ODAD3: variants seen among roughly 807,000 people sequenced by gnomAD.
ODAD3 encodes the protein outer dynein arm docking complex subunit 3.
ODAD3 carries 57 observed loss-of-function variants against 70.9 expected under a neutral mutation model. The ratio of observed to expected loss-of-function variants is 0.80; its 90% CI spans 0.65 to 1.00. ODAD3 has a LOEUF of 1.00. Among genes scored for constraint, ODAD3 ranks in the 50% least tolerant of loss-of-function variants. The pLI, the probability that ODAD3 is intolerant of heterozygous loss-of-function variation, is 0.00. For synonymous variants in ODAD3, 327 were observed against 315.9 expected (o/e 1.04, Z -0.37); for missense variants, 797 against 763.9 (o/e 1.04, Z -0.51).
upstream of ODAD3, chr19:11,435,611 A>G (rs1266857538): frequency 5.5e-6 from 6 of 1,095,862 alleles, no homozygotes; most frequent in Middle Eastern, 2.9e-4. Flanking sequence ...ACCGGAAGTG[A>G]CGGGGTCCAG....
intron 10 of ODAD3, 138 bp from the exon 11 acceptor site, chr19:11,421,970 G>A: frequency 1.1e-6 from 1 of 923,198 alleles, no homozygotes. Flanking sequence ...AGCCATTGGG[G>A]GCGGGGACTT....
At chr19:11,427,473 GTTTTC>G (rs1296124543) in intron 3 of ODAD3, among the ~76,000 whole-genome samples, 5 of 107,324 alleles carry the variant, frequency 4.7e-5, no homozygotes, top group Admixed American at 1.2e-4. Flanking sequence ...TTTTGTTTTT[GTTTTC>G]TTTTCTTTTT....
chr19:11,431,334 C>T lies in ODAD3; in HGVS notation c.245-314G>A, dbSNP rs138430232. On this transcript the variant is annotated intron_variant, in intron 1 of 12. Transcript: ENST00000356392. ...CCATGTTGGTCAGGCTGGTCTCGAA[C>T]TCCTGACCTCAGGTGTTCCCAAAGT... 2.0e-3 allele frequency: 606 copies of T among 299,934 alleles called. 3 individuals are homozygous for T. Among genetic ancestry groups the T allele is most frequent in the African/African-American group, 0.013 (573 of 45,348 alleles). 18.6% of individuals were successfully genotyped at this position (299,934 alleles called of 1,614,324 possible).
intron 8 of ODAD3, among the ~76,000 whole-genome samples, chr19:11,423,293 A>G (rs1969185422): frequency 2.0e-5 from 3 of 152,204 alleles, no homozygotes; most frequent in Non-Finnish European, 4.4e-5. Flanking sequence ...GTACTCCTAT[A>G]GGTGGGAGTC....
In ODAD3 at chr19:11,425,160, CAT is replaced by C. The variant is rs1198851344; in HGVS notation, c.963+982_963+983del. Among the ~76,000 whole-genome samples the C allele has an allele frequency of 7.5e-3, 768 of 102,904 alleles. 51 individuals are homozygous for C. Among genetic ancestry groups the C allele is most frequent in the Middle Eastern group, 0.014 (1 of 72 alleles). The allele number at this position is 102,904 out of a possible 152,430, so 67.5% of individuals were successfully genotyped here. A position where few individuals can be genotyped will look rare whatever the true frequency, so the allele number is the denominator to read the frequency against. On this transcript the variant is annotated intron_variant, in intron 7 of 12. Transcript: ENST00000356392. Reference sequence around the variant, plus strand: ...GTGTATATGTACATATGTATATATACATATGTGTATATGTACATATGTGTATA... The same window carrying C: ...GTGTATATGTACATATGTATATATACATGTGTATATGTACATATGTGTATA...
intron 3 of ODAD3, among the ~76,000 whole-genome samples, chr19:11,430,319 G>A (rs1388932446): frequency 1.3e-5 from 2 of 151,990 alleles, no homozygotes; most frequent in African/African-American, 4.8e-5. Context: ...TGTATTTTTA[G>A]TAGAGACAGG....
chr19:11,421,111 C>A lies in ODAD3; in HGVS notation c.1675+17G>T. 1 of 1,612,764 alleles carries A rather than the reference C, an allele frequency of 6.2e-7. No individual in the cohort carries two copies. Among genetic ancestry groups the A allele is most frequent in the Middle Eastern group, 1.7e-4 (1 of 6,058 alleles). On this transcript the variant is annotated intron_variant, in intron 12 of 12. Coordinates refer to ENST00000356392, the MANE Select transcript of ODAD3 (RefSeq NM_145045.5). Reference sequence around the variant, plus strand: ...GGGGCCCCAACCGCACCCCTTCATCCCCCCACCCATACTGACCAAAAAACT... The same window carrying A: ...GGGGCCCCAACCGCACCCCTTCATCACCCCACCCATACTGACCAAAAAACT...
rs1366138475 is a variant in ODAD3 at position 11,426,790 on chromosome 19, G to C, written c.613-6C>G. On this transcript the variant is annotated splice_region_variant and splice_polypyrimidine_tract_variant and intron_variant, in intron 4 of 12. Transcript: ENST00000356392. The stretch of plus-strand genomic sequence containing the variant: ...TTCTCCAGGTTCCGCATGGTCTGGA[G>C]AGCAGCAGGGCTGGGCTGAGGGCCC... 2 of 1,613,858 alleles carry C rather than the reference G, an allele frequency of 1.2e-6. No individual in the cohort carries two copies. Among genetic ancestry groups the C allele is most frequent in the Non-Finnish European group, 1.7e-6 (2 of 1,179,898 alleles).
rs1397328381 is a variant in ODAD3 at position 11,425,225 on chromosome 19, GTGTATATGTACATATGTGTATATA to G, written c.963+895_963+918del. On this transcript the variant is annotated intron_variant, in intron 7 of 12. Transcript: ENST00000356392. ...TATGTGTACATATGTGTATATATGT[GTGTATATGTACATATGTGTATATA>G]TGTATATGTACATATGTGTATATGT... 2.1e-4 allele frequency among the ~76,000 whole-genome samples: 27 copies of G among 130,876 alleles called. 4 individuals carry two copies. The East Asian group carries it at 3.5e-3, about 17-fold the overall frequency. The allele number at this position is 130,876 out of a possible 152,430, so 85.9% of individuals were successfully genotyped here. A position where few individuals can be genotyped will look rare whatever the true frequency, so the allele number is the denominator to read the frequency against.
Position 11,426,862 on chromosome 19 carries a change from C to G in ODAD3, c.612+11G>C. 6.2e-7 allele frequency: 1 copy of G among 1,610,280 alleles called. No homozygotes were observed. The highest frequency in any genetic ancestry group is 8.5e-7 in the Non-Finnish European group (1 of 1,177,738). ...ACGACCCTCTGCCCTGCAGGCCTCA[C>G]CCGCCCCTACCTTGGCCACCTCCGT... On this transcript the variant is annotated intron_variant, in intron 4 of 12. Coordinates refer to ENST00000356392, the MANE Select transcript of ODAD3 (RefSeq NM_145045.5).
At chr19:11,430,443 GT>G (rs112619729) in intron 3 of ODAD3, 5,749 of 437,322 alleles carry the variant, frequency 0.013, no homozygotes, top group Middle Eastern at 0.018. Flanking sequence ...TGGCTGTGAT[GT>G]TTTTTTTTTT....
intron 11 of ODAD3, 134 bp downstream of exon 11, chr19:11,421,543 C>G: frequency 8.2e-7 from 1 of 1,224,488 alleles, no homozygotes; most frequent in Admixed American, 2.3e-5. Context: ...TCAAACCTCG[C>G]CCGTTGTCCC....
chr19:11,422,904 C>A lies in ODAD3; in HGVS notation c.1117-43G>T. The A allele has an allele frequency of 1.3e-6, 2 of 1,579,556 alleles. No homozygotes were observed. The highest frequency in any genetic ancestry group is 1.7e-5 in the Admixed American group (1 of 57,854). ...CCAGTCAGAGCCAGGGCCTAGGGAG[C>A]GTAGGGGCGCTCCACCTCCTCTCCC... On this transcript the variant is annotated intron_variant, in intron 8 of 12. Transcript: ENST00000356392. This position sits in a 1 kb window ranked among gnomAD's most constrained non-coding sequence, Gnocchi z 4.6.
Position 11,430,688 on chromosome 19 carries a change from G to C in ODAD3, c.444+11C>G. 3 of 1,613,904 alleles carry C rather than the reference G, an allele frequency of 1.9e-6. No individual in the cohort carries two copies. The highest frequency in any genetic ancestry group is 2.5e-6 in the Non-Finnish European group (3 of 1,179,922). ...GAAATGAAGGAGGAGGTGGGGCGAG[G>C]GTGGGCAAACCTGTCCTGTCCTGTT... On this transcript the variant is annotated intron_variant, in intron 3 of 12. Transcript: ENST00000356392.
At chr19:11,425,557 ATATATGTG>A (rs1227150842) in intron 7 of ODAD3, among the ~76,000 whole-genome samples, 1 of 136,618 alleles carries the variant, frequency 7.3e-6, no homozygotes, top group African/African-American at 3.0e-5. Flanking sequence ...GTATATATGT[ATATATGTG>A]TGTATGTATG....
At position 11,425,219 on chromosome 19, in the gene ODAD3, A is replaced by G. The variant is rs993258173; in HGVS notation, c.963+925T>C. 6.0e-5 allele frequency among the ~76,000 whole-genome samples: 8 copies of G among 133,318 alleles called. 1 individual carries two copies. In the South Asian group the frequency reaches 9.1e-4, roughly 15 times the overall value. The allele number at this position is 133,318 out of a possible 152,430, so 87.5% of individuals were successfully genotyped here. A position where few individuals can be genotyped will look rare whatever the true frequency, so the allele number is the denominator to read the frequency against. On this transcript the variant is annotated intron_variant, in intron 7 of 12. Coordinates refer to ENST00000356392, the MANE Select transcript of ODAD3 (RefSeq NM_145045.5). ...TATGTGTATGTGTACATATGTGTAT[A>G]TATGTGTGTATATGTACATATGTGT...
At chr19:11,425,188 T>A (rs1181317825) in intron 7 of ODAD3, among the ~76,000 whole-genome samples, 1 of 135,694 alleles carries the variant, frequency 7.4e-6, no homozygotes, top group Non-Finnish European at 1.5e-5. Context: ...TATGTGTATA[T>A]ATACATATGT....
chr19:11,422,926 T>TC lies in ODAD3; in HGVS notation c.1117-66dup. 1.9e-6 allele frequency: 3 copies of TC among 1,540,476 alleles called. No homozygotes were observed. On this transcript the variant is annotated intron_variant, in intron 8 of 12. Coordinates refer to ENST00000356392, the MANE Select transcript of ODAD3 (RefSeq NM_145045.5). The surrounding 1 kb of genome is among the most constrained non-coding windows in gnomAD (Gnocchi z 4.6). ...GAGCGTAGGGGCGCTCCACCTCCTC[T>TC]CCCCCACCCTGCGAACCCTCGCACG... is the stretch of plus-strand genomic sequence containing the variant.
chr19:11,422,859 C>G lies in ODAD3; in HGVS notation c.1119G>C (p.Ser373=). The change falls in exon 9 of 13, where the codon TCG becomes TCC. Residue 373 remains serine, a splice_region_variant and synonymous_variant. Coordinates refer to ENST00000356392, the MANE Select transcript of ODAD3 (RefSeq NM_145045.5). This position sits in a 1 kb window ranked among gnomAD's most constrained non-coding sequence, Gnocchi z 4.6. ...KDATGTDETH[S]LVRRFLAQGD... ...CCTGGGCCAGGAACCGCCGCACCAA[C>G]GACTGCGGGCCACCCAGCCCCAGTC... 1 of 1,602,274 alleles carries G rather than the reference C, an allele frequency of 6.2e-7. No individual in the cohort carries two copies. The highest frequency in any genetic ancestry group is 1.7e-4 in the Middle Eastern group (1 of 6,056).
Sources: allele counts gnomAD v4.1 joint callset (sites outside exome capture counted in the v4.1 genomes callset), GRCh38; gene constraint gnomAD v4.1.1; non-coding constraint Gnocchi (gnomAD v3.1); transcripts MANE v1.5; gene names NCBI Gene and HGNC (gene_info 2026-07-23, HGNC 2026-07-21).